GNB5: variants seen among roughly 807,000 people sequenced by gnomAD.
GNB5 encodes the protein guanine nucleotide-binding protein subunit beta-5.
GNB5 carries 37 observed loss-of-function variants against 55.3 expected under a neutral mutation model. The observed-to-expected ratio is 0.67, with a 90% CI of 0.51 to 0.88. The LOEUF (loss-of-function observed/expected upper bound fraction) is 0.88. Ranked by LOEUF, GNB5 falls within the 40% of genes least tolerant of loss-of-function variation. GNB5 has a pLI of 0.00. For synonymous variants in GNB5, 219 were observed against 198.5 expected (o/e 1.10, Z -0.87); for missense variants, 476 against 515.3 (o/e 0.92, Z 0.74).
chr15:52,128,135 A>G, intron 10 of GNB5, 61 bp downstream of exon 10: 1 of 1,066,446 alleles, frequency 9.4e-7, no homozygotes, highest in East Asian at 2.4e-5. Flanking sequence ...TTATTTTCTT[A>G]AAATAAGTTA....
chr15:52,141,344 A>C (rs977625398), intron 6 of GNB5, 72 bp from the exon 7 acceptor site: 16 of 1,344,820 alleles, frequency 1.2e-5, no homozygotes, highest in Non-Finnish European at 1.7e-5. Context: ...TTCCAATCAC[A>C]TGAACTTTTC....
chr15:52,153,377 G>A (rs1344284817), intron 4 of GNB5, among the ~76,000 whole-genome samples: 1 of 152,126 alleles, frequency 6.6e-6, no homozygotes, highest in Non-Finnish European at 1.5e-5. Context: ...CAAACCACCT[G>A]AGCCCGAACC....
chr15:52,185,204 G>T (rs927830603), intron 1 of GNB5, among the ~76,000 whole-genome samples: 1 of 152,200 alleles, frequency 6.6e-6, no homozygotes, highest in African/African-American at 2.4e-5. Context: ...AAAGACCCAG[G>T]GTCCCTGCCT....
In GNB5 at chr15:52,119,773, C is replaced by G. The variant is rs999975195; in HGVS notation, c.*2984G>C. ...AATGAAGGCCAGCCCTCTTATGTCA[C>G]CAAGGCATCCCTCTAACTCACAGAG... On this transcript the variant is annotated 3_prime_UTR_variant, in exon 13 of 13. Coordinates refer to ENST00000261837, the MANE Select transcript of GNB5 (RefSeq NM_016194.4). 12 of 152,032 alleles carry G rather than the reference C, an allele frequency of 7.9e-5. No homozygotes were observed. Among genetic ancestry groups the G allele is most frequent in the African/African-American group, 2.4e-4 (10 of 41,354 alleles). 9.4% of individuals were successfully genotyped at this position (152,032 alleles called of 1,614,324 possible).
chr15:52,145,761 G>C (rs1026623234), intron 6 of GNB5, among the ~76,000 whole-genome samples: 1 of 152,062 alleles, frequency 6.6e-6, no homozygotes, highest in Non-Finnish European at 1.5e-5. Flanking sequence ...CTAAGGGAAG[G>C]GACACTGGAG....
chr15:52,179,966 C>T (rs896731374), intron 2 of GNB5, 87 bp from the exon 3 acceptor site: 17 of 1,367,434 alleles, frequency 1.2e-5, no homozygotes, highest in African/African-American at 3.1e-5. Flanking sequence ...CCGTCCCCGG[C>T]CCCGAGCACC....
At chr15:52,186,717 G>A (rs1282996853) in intron 1 of GNB5, among the ~76,000 whole-genome samples, 2 of 152,210 alleles carry the variant, frequency 1.3e-5, no homozygotes, top group Non-Finnish European at 2.9e-5. Flanking sequence ...TTTCAACAGA[G>A]TCAAATCTGA....
intron 7 of GNB5, chr15:52,139,504 A>T (rs138696067): frequency 1.2e-5 from 2 of 161,924 alleles, no homozygotes; most frequent in African/African-American, 4.8e-5. Context: ...ACGCTTACTG[A>T]TATTTACCAG....
intron 2 of GNB5, 35 bp from the exon 3 acceptor site, chr15:52,179,914 G>C: frequency 6.7e-7 from 1 of 1,488,396 alleles, no homozygotes; most frequent in Non-Finnish European, 8.9e-7. Flanking sequence ...GGGAAGCGGA[G>C]AGCGGGAATG....
In GNB5 at chr15:52,124,624, G is replaced by C; in HGVS notation, c.1025C>G (p.Ala342Gly). Residue 342 changes from alanine to glycine, a missense_variant, in exon 12 of 13, where the codon GCT becomes GGT. Coordinates refer to ENST00000261837, the MANE Select transcript of GNB5 (RefSeq NM_016194.4). ...DFSLSGRLLF[A>G]GYNDYTINVW... ...GTTGATAGTGTAATCATTGTATCCA[G>C]CAAACAGCAGGCGACCTTGAAGCAG... The C allele has an allele frequency of 6.2e-7, 1 of 1,613,718 alleles. No individual in the cohort carries two copies. The highest frequency in any genetic ancestry group is 1.1e-5 in the South Asian group (1 of 90,984).
rs2033757059 is a variant in GNB5 at position 52,137,697 on chromosome 15, C to T, written c.628-1941G>A. 7.6e-6 allele frequency: 9 copies of T among 1,185,452 alleles called. No individual in the cohort carries two copies. In the South Asian group the frequency reaches 1.1e-4, roughly 14 times the overall value. 73.4% of individuals were successfully genotyped at this position (1,185,452 alleles called of 1,614,324 possible). Reference sequence around the variant, plus strand: ...GAGGCCTGGGCTCTGGCTGAGCATACCTTCCTGGGATTGGGAGAAAGGCAG... The same window carrying T: ...GAGGCCTGGGCTCTGGCTGAGCATATCTTCCTGGGATTGGGAGAAAGGCAG... On this transcript the variant is annotated intron_variant, in intron 7 of 12. Coordinates refer to ENST00000261837, the MANE Select transcript of GNB5 (RefSeq NM_016194.4).
At chr15:52,146,307 T>C (rs1192605307) in intron 6 of GNB5, among the ~76,000 whole-genome samples, 1 of 152,136 alleles carries the variant, frequency 6.6e-6, no homozygotes, top group East Asian at 1.9e-4. Flanking sequence ...GGCAGAAATA[T>C]TTTGAATGGT....
chr15:52,154,050 C>T lies in GNB5; in HGVS notation c.265G>A (p.Ala89Thr), dbSNP rs747382297. Residue 89 changes from alanine (A) to threonine (T), a missense_variant, in exon 4 of 13, where the codon GCC (alanine) becomes ACC (threonine). Physicochemically the swap from Ala to Thr is moderately conservative, Grantham distance 58. Transcript: ENST00000261837. ...ELHQVAERVEALGQFVMKTRR... is the reference protein window; with the variant it reads ...ELHQVAERVETLGQFVMKTRR... ...GTCTTCATGACAAACTGCCCCAGGG[C>T]CTCCACCCGCTCCGCCACCTGGTGC... 6 of 1,614,002 alleles carry T rather than the reference C, an allele frequency of 3.7e-6. No homozygotes were observed. The highest frequency in any genetic ancestry group is 1.3e-5 in the African/African-American group (1 of 74,948).
chr15:52,129,431 C>T (rs1443518407), intron 9 of GNB5, among the ~76,000 whole-genome samples: 2 of 152,154 alleles, frequency 1.3e-5, no homozygotes, highest in African/African-American at 2.4e-5. Flanking sequence ...GCCTGAAAGA[C>T]GGGGATGGAG....
chr15:52,125,956 GA>G lies in GNB5; in HGVS notation c.1000del (p.Ser334ProfsTer87). 1 of 1,430,434 alleles carries G rather than the reference GA, an allele frequency of 7.0e-7. No individual in the cohort carries two copies. The highest frequency in any genetic ancestry group is 9.8e-7 in the Non-Finnish European group (1 of 1,020,136). 88.6% of individuals were successfully genotyped at this position (1,430,434 alleles called of 1,614,324 possible). On this transcript the variant is annotated frameshift_variant, in exon 11 of 13. Coordinates refer to ENST00000261837, the MANE Select transcript of GNB5 (RefSeq NM_016194.4). LOFTEE classifies it high-confidence loss of function. Reference sequence around the variant, plus strand: ...CTGAAATAAAATCTTACCACTGAGGGAGAAGTCCACGCTGGATGCTCCAAAT... The same window carrying G: ...CTGAAATAAAATCTTACCACTGAGGGGAAGTCCACGCTGGATGCTCCAAAT... Reference protein sequence around the residue: ...IIFGASSVDFSLSGRLLFAGY... With the variant: ...IIFGASSVDFXLSGRLLFAGY...
chr15:52,122,895 C>T (rs949462620), intron 12 of GNB5, 127 bp from the exon 13 acceptor site: 8 of 733,220 alleles, frequency 1.1e-5, no homozygotes, highest in Middle Eastern at 2.7e-4. Flanking sequence ...TGTGTACACA[C>T]ACACACACAC....
intron 2 of GNB5, among the ~76,000 whole-genome samples, chr15:52,181,442 C>T (rs899432000): frequency 2.6e-5 from 4 of 151,994 alleles, no homozygotes; most frequent in African/African-American, 9.7e-5. Flanking sequence ...ATGATGAAAC[C>T]CTCTCTCTAC....
intron 7 of GNB5, chr15:52,137,136 A>T (rs2033743901): frequency 1.4e-6 from 1 of 693,966 alleles, no homozygotes; most frequent in East Asian, 7.1e-5. Flanking sequence ...CATTTTCAGA[A>T]CCTACTAAGA....
In GNB5 at chr15:52,116,017, T is replaced by C. The variant is rs2141172583; in HGVS notation, c.*6740A>G. 6.6e-6 allele frequency: 1 copy of C among 152,404 alleles called. No individual in the cohort carries two copies. The highest frequency in any genetic ancestry group is 2.4e-5 in the African/African-American group (1 of 41,594). The allele number at this position is 152,404 out of a possible 1,614,324, so 9.4% of individuals were successfully genotyped here. A position where few individuals can be genotyped will look rare whatever the true frequency, so the allele number is the denominator to read the frequency against. Reference sequence around the variant, plus strand: ...AGCATGTGTCCACGCTTTCTTTCTTTGTATTCCATTCTGTGGATGCGCCAT... The same window carrying C: ...AGCATGTGTCCACGCTTTCTTTCTTCGTATTCCATTCTGTGGATGCGCCAT... On this transcript the variant is annotated 3_prime_UTR_variant, in exon 13 of 13. Transcript: ENST00000261837.
Sources: gnomAD v4.1 joint callset for allele counts (sites outside exome capture counted in the v4.1 genomes callset) on GRCh38, gnomAD v4.1.1 for gene constraint, MANE v1.5 for transcripts, NCBI Gene and HGNC (gene_info 2026-07-23, HGNC 2026-07-21) for gene names.